The following IL13RA1 variants were observed in gnomAD, a reference collection of about 807,000 sequenced individuals.
The protein encoded by IL13RA1 is interleukin-13 receptor subunit alpha-1.
A neutral mutation model predicts 33.8 loss-of-function variants in IL13RA1; 14 were observed. The observed-to-expected ratio is 0.41, with a 90% CI of 0.27 to 0.65. The LOEUF (loss-of-function observed/expected upper bound fraction) is 0.65, where lower values mean the gene tolerates loss of function less well. Ranked by LOEUF, IL13RA1 falls within the 30% of genes least tolerant of loss-of-function variation. The pLI, the probability that IL13RA1 is intolerant of heterozygous loss-of-function variation, is 0.28. For synonymous variants in IL13RA1, 116 were observed against 115.7 expected, an observed-to-expected ratio of 1.00 and a Z score of -0.02; for missense variants, 313 against 327.0, an observed-to-expected ratio of 0.96 and a Z score of 0.33.
At chrX:118,772,862 A>G (rs2017739700) in intron 8 of IL13RA1, among the ~76,000 whole-genome samples, 1 of 112,435 alleles carries the variant, frequency 8.9e-6, no homozygotes, top group Non-Finnish European at 1.9e-5. Context: ...GACAATGTGC[A>G]TGTCACTGAC....
chrX:118,728,893 T>A (rs1787724916), intron 1 of IL13RA1, among the ~76,000 whole-genome samples: 1 of 111,252 alleles, frequency 9.0e-6, no homozygotes, highest in East Asian at 2.8e-4. Flanking sequence ...GGTTTGCCAT[T>A]GTAAAAAGGG....
chrX:118,791,916 G>A lies in IL13RA1; in HGVS notation c.*62G>A, dbSNP rs1208026497. ...AGAAGATTCTTCCCATTCTCCATTT[G>A]TTATCTGGGAACTTATTAAATGGAA... On this transcript the variant is annotated 3_prime_UTR_variant, in exon 11 of 11. Transcript: ENST00000371666. 1 of 553,666 alleles carries A rather than the reference G, an allele frequency of 1.8e-6. No individual in the cohort carries two copies. The highest frequency in any genetic ancestry group is 2.9e-5 in the South Asian group (1 of 34,761). The allele number at this position is 553,666 out of a possible 1,213,427, so 45.6% of individuals were successfully genotyped here.
At chrX:118,775,238 G>A (rs1423392398) in intron 9 of IL13RA1, among the ~76,000 whole-genome samples, 1 of 111,475 alleles carries the variant, frequency 9.0e-6, no homozygotes, top group Non-Finnish European at 1.9e-5. Context: ...CAAATGCAAA[G>A]TCCCCAAGGC....
chrX:118,740,083 G>GC (rs1353444480), intron 1 of IL13RA1, among the ~76,000 whole-genome samples: 1 of 112,050 alleles, frequency 8.9e-6, no homozygotes, highest in African/African-American at 3.2e-5. Flanking sequence ...TTTTGCTTCA[G>GC]CCCCCCAGTA....
intron 10 of IL13RA1, among the ~76,000 whole-genome samples, chrX:118,780,137 GAGA>G (rs1318276210): frequency 8.9e-6 from 1 of 111,854 alleles, no homozygotes; most frequent in African/African-American, 3.3e-5. Context: ...GGAAGGGTAA[GAGA>G]ACAAATTTTT....
chrX:118,754,937 CTTTT>C (rs66888164), intron 4 of IL13RA1, among the ~76,000 whole-genome samples: 2 of 92,722 alleles, frequency 2.2e-5, no homozygotes, highest in African/African-American at 8.1e-5. Flanking sequence ...CGGAGTCTTT[CTTTT>C]TTTTTTTTTT....
intron 1 of IL13RA1, among the ~76,000 whole-genome samples, chrX:118,738,548 T>G (rs186711102): frequency 6.3e-4 from 71 of 111,891 alleles, no homozygotes; most frequent in African/African-American, 2.0e-3. Context: ...GCAAAGGGCA[T>G]GGTTTCATTC....
intron 10 of IL13RA1, among the ~76,000 whole-genome samples, chrX:118,785,186 C>T (rs993070076): frequency 1.6e-4 from 18 of 111,283 alleles, no homozygotes; most frequent in African/African-American, 5.6e-4. Context: ...CAGACTCCAA[C>T]ATCTGGGCTC....
chrX:118,752,872 G>A (rs761960820), intron 4 of IL13RA1, among the ~76,000 whole-genome samples: 152 of 111,983 alleles, frequency 1.4e-3, no homozygotes, highest in African/African-American at 4.8e-3. Context: ...GCTAAGAAGG[G>A]GCCAAAGAAC....
Position 118,792,070 on chromosome X carries a change from T to C in IL13RA1, c.*216T>C. 1 of 249,264 alleles carries C rather than the reference T, an allele frequency of 4.0e-6. No homozygotes were observed. Among genetic ancestry groups the C allele is most frequent in the Non-Finnish European group, 7.1e-6 (1 of 141,091 alleles). 20.5% of individuals were successfully genotyped at this position (249,264 alleles called of 1,213,427 possible). On this transcript the variant is annotated 3_prime_UTR_variant, in exon 11 of 11. Coordinates refer to ENST00000371666, the MANE Select transcript of IL13RA1 (RefSeq NM_001560.3). ...AGAGTGTGGAGTCATTCTCATTGAATTATAAAAGCCAGCAGGCTTCAAACT... is the reference window on the plus strand; with the variant it reads ...AGAGTGTGGAGTCATTCTCATTGAACTATAAAAGCCAGCAGGCTTCAAACT...
chrX:118,732,658 G>A (rs764275098), intron 1 of IL13RA1, among the ~76,000 whole-genome samples: 2 of 109,811 alleles, frequency 1.8e-5, no homozygotes, highest in Admixed American at 2.0e-4. Context: ...GCAGTGTTTG[G>A]TTTTTTTGTC....
Position 118,790,714 on chromosome X carries a change from A to G in IL13RA1, c.1192-1048A>G, listed in dbSNP as rs747093183. Among the ~76,000 whole-genome samples, 10 of 111,796 alleles carry G rather than the reference A, an allele frequency of 8.9e-5. No homozygotes were observed. The South Asian group carries it at 3.0e-3, about 33-fold the overall frequency. On this transcript the variant is annotated intron_variant, in intron 10 of 10. Coordinates refer to ENST00000371666, the MANE Select transcript of IL13RA1 (RefSeq NM_001560.3). ...AGGGTTATATAATTTGTTTAGAATA[A>G]TTTGCATATTTTGAGCAGTGTTTCC...
intron 8 of IL13RA1, among the ~76,000 whole-genome samples, chrX:118,768,902 T>A (rs1439431900): frequency 8.9e-6 from 1 of 112,172 alleles, no homozygotes; most frequent in Admixed American, 9.4e-5. Context: ...ATAATACATT[T>A]CTGTTGTTGT....
At chrX:118,737,084 A>T (rs189623339) in intron 1 of IL13RA1, among the ~76,000 whole-genome samples, 1 of 112,800 alleles carries the variant, frequency 8.9e-6, no homozygotes, top group South Asian at 3.6e-4. Context: ...AGGTGCAACC[A>T]CAATGGCTGC....
chrX:118,804,567 T>C, the IL13RA1 span, among the ~76,000 whole-genome samples: 6 of 111,681 alleles, frequency 5.4e-5, no homozygotes, highest in Non-Finnish European at 1.1e-4. Context: ...TAAAAGAGAG[T>C]ACTTCAGCAT....
At chrX:118,738,781 CTTT>C (rs144796443) in intron 1 of IL13RA1, among the ~76,000 whole-genome samples, 4 of 60,229 alleles carry the variant, frequency 6.6e-5, no homozygotes, top group African/African-American at 2.0e-4. Flanking sequence ...ATTTTAAGTC[CTTT>C]TTTTTTTTTT....
chrX:118,767,602 G>C (rs1322187698), intron 8 of IL13RA1, among the ~76,000 whole-genome samples: 1 of 111,436 alleles, frequency 9.0e-6, no homozygotes, highest in Non-Finnish European at 1.9e-5. Context: ...ACTAGAGACT[G>C]TCCTACATGC....
chrX:118,800,005 C>T, the IL13RA1 span, among the ~76,000 whole-genome samples: 19 of 87,964 alleles, frequency 2.2e-4, no homozygotes, highest in African/African-American at 3.9e-4. Flanking sequence ...AATCAGCACC[C>T]TGTGTTTAGC....
At chrX:118,777,030 C>T (rs775057143) in intron 10 of IL13RA1, among the ~76,000 whole-genome samples, 1 of 105,898 alleles carries the variant, frequency 9.4e-6, no homozygotes, top group Non-Finnish European at 1.9e-5. Context: ...TACACACATA[C>T]AGTTTAGTGT....
Sources: gnomAD v4.1 joint callset for allele counts (sites outside exome capture counted in the v4.1 genomes callset) on GRCh38, gnomAD v4.1.1 for gene constraint, MANE v1.5 for transcripts, NCBI Gene and HGNC (gene_info 2026-07-23, HGNC 2026-07-21) for gene names.